SBK1: variants seen among roughly 807,000 people sequenced by gnomAD.
SBK1 encodes SH3 domain binding kinase 1.
Under a neutral mutation model 24.4 loss-of-function variants are expected in SBK1, and 11 were observed. The observed-to-expected ratio is 0.45, with a 90% confidence interval of 0.28 to 0.75. The LOEUF is 0.75. Ranked by LOEUF, SBK1 falls within the 30% of genes least tolerant of loss-of-function variation. The pLI is 0.12. For synonymous variants in SBK1, 308 were observed against 284.4 expected (o/e 1.08, Z -0.83); for missense variants, 467 against 620.5 (o/e 0.75, Z 2.63).
chr16:28,315,382 A>G (rs1001184904), intron 1 of SBK1, among the ~76,000 whole-genome samples: 3 of 152,204 alleles, frequency 2.0e-5, no homozygotes, highest in African/African-American at 7.2e-5. Flanking sequence ...ATATACCTCA[A>G]TAAAACTAGA....
At chr16:28,283,255 T>C (rs1189438760) in intron 1 of SBK1, among the ~76,000 whole-genome samples, 2 of 152,070 alleles carry the variant, frequency 1.3e-5, no homozygotes, top group Admixed American at 6.6e-5. Flanking sequence ...TTAAACCCTT[T>C]ATTTCTGGGG....
chr16:28,282,185 C>T (rs1444366984), intron 1 of SBK1, among the ~76,000 whole-genome samples: 1 of 152,154 alleles, frequency 6.6e-6, no homozygotes, highest in African/African-American at 2.4e-5. Context: ...TCCCCTGGGA[C>T]CCAAGCGAGG....
chr16:28,315,340 A>G (rs999518060), intron 1 of SBK1, among the ~76,000 whole-genome samples: 1 of 152,204 alleles, frequency 6.6e-6, no homozygotes, highest in African/African-American at 2.4e-5. Flanking sequence ...CACACTGTAC[A>G]CTTCAAATAT....
intron 1 of SBK1, among the ~76,000 whole-genome samples, chr16:28,308,781 T>TGTGTGTGTG (rs1567678533): frequency 4.2e-5 from 4 of 94,436 alleles, no homozygotes; most frequent in Admixed American, 1.1e-4. Context: ...GTGTGTGTGT[T>TGTGTGTGTG]TGTTTTGTTT....
rs145357885 is a variant in SBK1, at chr16:28,284,676, A to C, written c.257+25174A>C. Among the ~76,000 whole-genome samples the C allele has an allele frequency of 4.6e-5, 7 of 152,368 alleles. No homozygotes were observed. In the East Asian group the frequency reaches 1.3e-3, roughly 29 times the overall value. On this transcript the variant is annotated intron_variant, in intron 1 of 3. Transcript: ENST00000671413. ...ATAATCAGGCCGGGCGCAGTGGCTC[A>C]TGCCTGTAATCCCAGGACTTTGGGA... is the stretch of plus-strand genomic sequence containing the variant.
intron 1 of SBK1, among the ~76,000 whole-genome samples, chr16:28,280,527 T>C (rs1255028355): frequency 6.6e-6 from 1 of 150,990 alleles, no homozygotes; most frequent in Non-Finnish European, 1.5e-5. Context: ...TTCCTTGAAA[T>C]GTTCAAAGAG....
intron 1 of SBK1, among the ~76,000 whole-genome samples, chr16:28,316,699 A>G (rs1283748927): frequency 1.3e-5 from 2 of 152,202 alleles, no homozygotes; most frequent in African/African-American, 4.8e-5. Flanking sequence ...CATGTACCCC[A>G]GAACTAAAAA....
chr16:28,293,448 C>T (rs759451082), intron 1 of SBK1, 148 bp downstream of exon 1: 67 of 244,230 alleles, frequency 2.7e-4, no homozygotes, highest in Non-Finnish European at 4.4e-4. Context: ...CTTTGTGTCT[C>T]GCTTGGAGGA....
chr16:28,305,339 A>G (rs1404812472), intron 1 of SBK1, among the ~76,000 whole-genome samples: 1 of 151,854 alleles, frequency 6.6e-6, no homozygotes, highest in Non-Finnish European at 1.5e-5. Flanking sequence ...CAGCTTCCCA[A>G]GTAGCTGGGA....
In SBK1 at chr16:28,292,974, C is replaced by T; in HGVS notation, c.-334C>T. 1.0e-6 allele frequency: 1 copy of T among 984,158 alleles called. No individual in the cohort carries two copies. The highest frequency in any genetic ancestry group is 4.7e-5 in the South Asian group (1 of 21,244). The allele number at this position is 984,158 out of a possible 1,614,324, so 61.0% of individuals were successfully genotyped here. On this transcript the variant is annotated 5_prime_UTR_variant, in exon 1 of 4. Transcript: ENST00000341901. ...AGGCCGGGATTGCGAGAACCCCCTC[C>T]CAAGATCCGGTCATTACAACTCCAC...
In SBK1 at chr16:28,319,246, G is replaced by C; in HGVS notation, c.429+49G>C. 7.1e-7 allele frequency: 1 copy of C among 1,408,848 alleles called. No homozygotes were observed. The highest frequency in any genetic ancestry group is 1.0e-6 in the Non-Finnish European group (1 of 994,460). 87.3% of individuals were successfully genotyped at this position (1,408,848 alleles called of 1,614,324 possible). Reference sequence around the variant, plus strand: ...TGGGGAAAGGGTCTTCAGGGTCCCAGAGTGTGAGAGTGGGAGTGGAGTCAG... The same window carrying C: ...TGGGGAAAGGGTCTTCAGGGTCCCACAGTGTGAGAGTGGGAGTGGAGTCAG... On this transcript the variant is annotated intron_variant, in intron 3 of 3. Transcript: ENST00000341901. The surrounding 1 kb of genome is among the most constrained non-coding windows in gnomAD (Gnocchi z 4.0).
chr16:28,290,025 G>A (rs2044589030), upstream of SBK1, among the ~76,000 whole-genome samples: 1 of 150,696 alleles, frequency 6.6e-6, no homozygotes, highest in African/African-American at 2.4e-5. Flanking sequence ...GGTTGAGGCT[G>A]TAGTGAGCCA....
At chr16:28,296,839 T>C (rs1463872344) in intron 1 of SBK1, among the ~76,000 whole-genome samples, 1 of 152,122 alleles carries the variant, frequency 6.6e-6, no homozygotes, top group African/African-American at 2.4e-5. Context: ...CCTGACCTGG[T>C]TCTAGGTGCA....
At chr16:28,268,546 TGAGGTCAGGAGTTCGA>T (rs2044444203) in intron 1 of SBK1, among the ~76,000 whole-genome samples, 2 of 151,772 alleles carry the variant, frequency 1.3e-5, no homozygotes, top group African/African-American at 4.8e-5. Flanking sequence ...GTGGATCACC[TGAGGTCAGGAGTTCGA>T]GACCAGCCTG....
chr16:28,305,659 G>GTAGCTGGGATTA (rs2044711678), intron 1 of SBK1, among the ~76,000 whole-genome samples: 2 of 151,618 alleles, frequency 1.3e-5, no homozygotes, highest in African/African-American at 4.8e-5. Context: ...AGCCTCCCGA[G>GTAGCTGGGATTA]TAGCTGGGAT....
rs573844879 is a variant in SBK1 at position 28,310,989 on chromosome 16, G to A, written c.-7-6396G>A. ...GGGTCAGAGGCAGCATGTACCTGGC[G>A]GATGACGCAGAGGCAGGGATGGGTG... On this transcript the variant is annotated intron_variant, in intron 1 of 3. Transcript: ENST00000341901. Among the ~76,000 whole-genome samples the A allele has an allele frequency of 2.5e-4, 38 of 152,314 alleles. No homozygotes were observed. The Middle Eastern group carries it at 0.014, about 55-fold the overall frequency.
upstream of SBK1, among the ~76,000 whole-genome samples, chr16:28,288,182 C>T (rs1174293314): frequency 2.0e-5 from 3 of 152,118 alleles, no homozygotes; most frequent in Admixed American, 6.5e-5. Flanking sequence ...TTTACAAAGT[C>T]AAGGGGGAGT....
chr16:28,268,601 AAAAATACAAAAATTAAT>A (rs2044444430), intron 1 of SBK1, among the ~76,000 whole-genome samples: 1 of 151,934 alleles, frequency 6.6e-6, no homozygotes, highest in Non-Finnish European at 1.5e-5. Context: ...TGTTTCTACT[AAAAATACAAAAATTAAT>A]CAGGCATGGT....
chr16:28,296,168 C>T (rs1367613234), intron 1 of SBK1, among the ~76,000 whole-genome samples: 1 of 150,372 alleles, frequency 6.7e-6, no homozygotes, highest in Non-Finnish European at 1.5e-5. Context: ...AATCTCGGCT[C>T]GCTGCGACCT....
Sources: allele counts gnomAD v4.1 joint callset (sites outside exome capture counted in the v4.1 genomes callset), GRCh38; gene constraint gnomAD v4.1.1; non-coding constraint Gnocchi (gnomAD v3.1); transcripts MANE v1.5; gene names NCBI Gene and HGNC (gene_info 2026-07-23, HGNC 2026-07-21).